Variants in KLHL7 observed in about 807,000 individuals in gnomAD.
KLHL7 encodes the protein kelch-like protein 7.
Under a neutral mutation model 67.4 loss-of-function variants are expected in KLHL7, and 44 were observed. The observed-to-expected ratio is 0.65, with a 90% CI of 0.51 to 0.84. KLHL7 has a LOEUF of 0.84. Ranked by LOEUF, KLHL7 falls within the 40% of genes least tolerant of loss-of-function variation. The probability of loss-of-function intolerance (pLI) is 0.00; values close to 1 mark genes in which losing one functional copy is unlikely to be tolerated. For synonymous variants in KLHL7, 252 were observed against 243.3 expected (o/e 1.04, Z -0.33); for missense variants, 362 against 718.1 (o/e 0.50, Z 5.67).
intron 1 of KLHL7, among the ~76,000 whole-genome samples, chr7:23,111,002 G>A (rs533936011): frequency 6.6e-6 from 1 of 152,224 alleles, no homozygotes; most frequent in African/African-American, 2.4e-5. Context: ...GCAATGATAA[G>A]CAAACCCTGA....
chr7:23,125,333 A>T (rs976308740), intron 4 of KLHL7, 161 bp downstream of exon 4: 1 of 666,514 alleles, frequency 1.5e-6, no homozygotes, highest in East Asian at 2.8e-5. Context: ...GCTTAGAGAG[A>T]TGCATATTAA....
chr7:23,114,543 A>G (rs1318343949), intron 1 of KLHL7, among the ~76,000 whole-genome samples: 1 of 152,186 alleles, frequency 6.6e-6, no homozygotes, highest in African/African-American at 2.4e-5. Context: ...AGCTGGACCA[A>G]GTAGCTGTAA....
In KLHL7 at chr7:23,175,277, G is replaced by A. The variant is rs1785271661; in HGVS notation, c.*979G>A. ...GTCATCTCCTATTCATTGCTTTTAT[G>A]TGATCAATAAATCTTTTACAAACCC... On this transcript the variant is annotated 3_prime_UTR_variant, in exon 11 of 11. Coordinates refer to ENST00000339077, the MANE Select transcript of KLHL7 (RefSeq NM_001031710.3). 1 of 453,750 alleles carries A rather than the reference G, an allele frequency of 2.2e-6. No individual in the cohort carries two copies. Among genetic ancestry groups the A allele is most frequent in the African/African-American group, 2.0e-5 (1 of 49,974 alleles). The allele number at this position is 453,750 out of a possible 1,614,324, so 28.1% of individuals were successfully genotyped here.
chr7:23,110,192 C>T (rs1323242415), intron 1 of KLHL7, among the ~76,000 whole-genome samples: 1 of 152,224 alleles, frequency 6.6e-6, no homozygotes, highest in African/African-American at 2.4e-5. Context: ...CAGCAGATCA[C>T]CTTCTTTTGA....
chr7:23,152,031 G>A (rs374148343), intron 6 of KLHL7, 36 bp from the exon 7 acceptor site: 59 of 1,611,206 alleles, frequency 3.7e-5, no homozygotes, highest in Non-Finnish European at 4.8e-5. Flanking sequence ...GTTAGTGCCT[G>A]AAGTTCTTGA....
chr7:23,151,822 T>A (rs1478200697), intron 6 of KLHL7, among the ~76,000 whole-genome samples: 1 of 152,106 alleles, frequency 6.6e-6, no homozygotes, highest in East Asian at 1.9e-4. Flanking sequence ...CACTGGTACA[T>A]AGTAGTTGCT....
At chr7:23,107,953 G>A (rs1782712453) in intron 1 of KLHL7, among the ~76,000 whole-genome samples, 1 of 152,220 alleles carries the variant, frequency 6.6e-6, no homozygotes, top group Non-Finnish European at 1.5e-5. Flanking sequence ...ACAATTGACC[G>A]AGAATGACTG....
intron 7 of KLHL7, among the ~76,000 whole-genome samples, chr7:23,157,895 CT>C (rs1784754049): frequency 6.6e-6 from 1 of 152,146 alleles, no homozygotes; most frequent in South Asian, 2.1e-4. Flanking sequence ...GGAAACAGAG[CT>C]GCACATATTC....
At chr7:23,154,148 G>A (rs1437105931) in intron 7 of KLHL7, among the ~76,000 whole-genome samples, 1 of 152,202 alleles carries the variant, frequency 6.6e-6, no homozygotes, top group Non-Finnish European at 1.5e-5. Flanking sequence ...GAAGTCAGGA[G>A]TTTGAGACCA....
At chr7:23,173,986 C>T in intron 10 of KLHL7, 29 bp from the exon 11 acceptor site, 1 of 1,606,332 alleles carries the variant, frequency 6.2e-7, no homozygotes, top group Non-Finnish European at 8.5e-7. Flanking sequence ...TATAGTTTTT[C>T]ATGTTGTTCA....
intron 1 of KLHL7, chr7:23,106,357 A>C: frequency 7.1e-7 from 1 of 1,404,846 alleles, no homozygotes; most frequent in Non-Finnish European, 9.3e-7. Flanking sequence ...TCTGCCGAGG[A>C]TGTAGCTCCC....
At position 23,125,280 on chromosome 7, in the gene KLHL7, C is replaced by T; in HGVS notation, c.442+108C>T. 3 of 1,156,920 alleles carry T rather than the reference C, an allele frequency of 2.6e-6. No homozygotes were observed. In the East Asian group the frequency reaches 7.5e-5, roughly 29 times the overall value. 71.7% of individuals were successfully genotyped at this position (1,156,920 alleles called of 1,614,324 possible). ...AAGTATCCGCATTTAACCTTAAAGA[C>T]ATTGTCCACTAGAACGTTTTCTAGT... On this transcript the variant is annotated intron_variant, in intron 4 of 10. Transcript: ENST00000339077.
At chr7:23,122,015 G>A (rs1783372121) in intron 1 of KLHL7, among the ~76,000 whole-genome samples, 1 of 152,074 alleles carries the variant, frequency 6.6e-6, no homozygotes, top group South Asian at 2.1e-4. Flanking sequence ...TCAGTCTATT[G>A]TAGTATAGGC....
chr7:23,149,588 A>G (rs984212236), intron 6 of KLHL7, among the ~76,000 whole-genome samples: 2 of 152,218 alleles, frequency 1.3e-5, no homozygotes, highest in African/African-American at 4.8e-5. Context: ...AGGATTTTCA[A>G]CACACTTCCA....
intron 4 of KLHL7, 199 bp downstream of exon 4, chr7:23,125,371 T>C: frequency 1.7e-6 from 1 of 591,870 alleles, no homozygotes. Context: ...TTATTAAATA[T>C]TATATCAACA....
At chr7:23,148,898 A>C (rs1374714467) in intron 6 of KLHL7, among the ~76,000 whole-genome samples, 1 of 152,054 alleles carries the variant, frequency 6.6e-6, no homozygotes, top group East Asian at 1.9e-4. Flanking sequence ...TTGTTCTATT[A>C]CTCCTTGACT....
At chr7:23,114,697 A>C (rs182461836) in intron 1 of KLHL7, among the ~76,000 whole-genome samples, 6 of 152,328 alleles carry the variant, frequency 3.9e-5, no homozygotes, top group Non-Finnish European at 8.8e-5. Flanking sequence ...CCAGCTTAAG[A>C]GGTTATTTAA....
At position 23,177,335 on chromosome 7, in the gene KLHL7, C is replaced by T. The variant is rs1785313176; in HGVS notation, c.*3037C>T. The T allele has an allele frequency of 6.6e-6, 1 of 152,080 alleles. No homozygotes were observed. The highest frequency in any genetic ancestry group is 2.1e-4 in the South Asian group (1 of 4,828). 9.4% of individuals were successfully genotyped at this position (152,080 alleles called of 1,614,324 possible). On this transcript the variant is annotated 3_prime_UTR_variant, in exon 11 of 11. Transcript: ENST00000339077. Reference sequence around the variant, plus strand: ...ATCTCCTATGTAGAATATACAGTACCTGTCTAAGATATTTTAAGTACACCA... The same window carrying T: ...ATCTCCTATGTAGAATATACAGTACTTGTCTAAGATATTTTAAGTACACCA...
intron 1 of KLHL7, chr7:23,106,526 T>C (rs1554283019): frequency 1.8e-6 from 2 of 1,118,912 alleles, no homozygotes; most frequent in East Asian, 1.3e-4. Context: ...CCCGTTGGCA[T>C]AGCCCAAACC....
Sources: allele counts gnomAD v4.1 joint callset (sites outside exome capture counted in the v4.1 genomes callset), GRCh38; gene constraint gnomAD v4.1.1; transcripts MANE v1.5; gene names NCBI Gene and HGNC (gene_info 2026-07-23, HGNC 2026-07-21).